The following TMEM163 variants were observed in gnomAD, a reference collection of about 807,000 sequenced individuals.
TMEM163 encodes the protein transmembrane protein 163.
A neutral mutation model predicts 29.3 loss-of-function variants in TMEM163; 17 were observed. The observed-to-expected ratio is 0.58, with a 90% CI of 0.40 to 0.87. The LOEUF is 0.87. Ranked by LOEUF, TMEM163 falls within the 40% of genes least tolerant of loss-of-function variation. TMEM163 has a pLI of 0.00. For missense variants in TMEM163, 303 were observed against 381.5 expected, an observed-to-expected ratio of 0.79 and a Z score of 1.71; for synonymous variants, 157 against 160.6, an observed-to-expected ratio of 0.98 and a Z score of 0.17.
chr2:134,580,646 T>G (rs1164102978), intron 2 of TMEM163, among the ~76,000 whole-genome samples: 1 of 152,184 alleles, frequency 6.6e-6, no homozygotes, highest in African/African-American at 2.4e-5. Context: ...GCGCAGTGGC[T>G]GCCACCTGGA....
intron 2 of TMEM163, among the ~76,000 whole-genome samples, chr2:134,618,918 T>G (rs1682668856): frequency 6.6e-6 from 1 of 151,966 alleles, no homozygotes; most frequent in South Asian, 2.1e-4. Flanking sequence ...AAAGCTTCTA[T>G]CACTAAAGGA....
chr2:134,693,226 C>T (rs1684507217), intron 2 of TMEM163, among the ~76,000 whole-genome samples: 1 of 152,152 alleles, frequency 6.6e-6, no homozygotes, highest in African/African-American at 2.4e-5. Flanking sequence ...TTAGCAGATA[C>T]TGATATGGGC....
At chr2:134,536,530 T>C (rs541041993) in intron 4 of TMEM163, among the ~76,000 whole-genome samples, 2 of 152,246 alleles carry the variant, frequency 1.3e-5, no homozygotes, top group South Asian at 4.2e-4. Context: ...AGGGCATGAA[T>C]CCTCACCCCA....
chr2:134,623,817 ATCTT>A, intron 2 of TMEM163, among the ~76,000 whole-genome samples: 1 of 152,196 alleles, frequency 6.6e-6, no homozygotes, highest in South Asian at 2.1e-4. Flanking sequence ...GGTGAAACAA[ATCTT>A]AGAAGTTCAG....
At chr2:134,614,016 CAA>C (rs1274822751) in intron 2 of TMEM163, among the ~76,000 whole-genome samples, 2 of 151,694 alleles carry the variant, frequency 1.3e-5, no homozygotes, top group African/African-American at 4.8e-5. Context: ...TCCCAATAGC[CAA>C]AACAACAGAG....
intron 2 of TMEM163, among the ~76,000 whole-genome samples, chr2:134,620,176 T>C (rs971212171): frequency 6.6e-6 from 1 of 151,868 alleles, no homozygotes; most frequent in African/African-American, 2.4e-5. Flanking sequence ...AAAACTTATA[T>C]GGAAATGCAA....
chr2:134,584,849 T>C (rs542286331), intron 2 of TMEM163, among the ~76,000 whole-genome samples: 1 of 152,206 alleles, frequency 6.6e-6, no homozygotes, highest in African/African-American at 2.4e-5. Flanking sequence ...TTTCCATTTC[T>C]AGCTAAGGAA....
rs112661604 is a variant in TMEM163 at position 134,665,252 on chromosome 2, T to G, written c.322+47948A>C. Among the ~76,000 whole-genome samples the G allele has an allele frequency of 9.5e-3, 1,448 of 152,266 alleles. 12 individuals are homozygous for G. Among genetic ancestry groups the G allele is most frequent in the Middle Eastern group, 0.031 (9 of 292 alleles). On this transcript the variant is annotated intron_variant, in intron 2 of 7. Transcript: ENST00000281924. ...AAAAGAGGTTTAATGGACTCAACAG[T>G]TCCACAAGGCTGGGGAGGCCTGACA...
chr2:134,688,533 A>G (rs1313318161), intron 2 of TMEM163, among the ~76,000 whole-genome samples: 1 of 152,156 alleles, frequency 6.6e-6, no homozygotes, highest in East Asian at 1.9e-4. Context: ...AAATATTCCT[A>G]AACAGGAAAG....
At chr2:134,640,846 A>C (rs1683207700) in intron 2 of TMEM163, among the ~76,000 whole-genome samples, 1 of 152,228 alleles carries the variant, frequency 6.6e-6, no homozygotes, top group Admixed American at 6.5e-5. Flanking sequence ...CAGCTCAGAG[A>C]GGAAGGCAAA....
At chr2:134,507,365 T>C (rs1471582952) in intron 4 of TMEM163, among the ~76,000 whole-genome samples, 1 of 118,470 alleles carries the variant, frequency 8.4e-6, no homozygotes, top group Admixed American at 8.5e-5. Flanking sequence ...AATAAATAAA[T>C]AAATAAATAA....
chr2:134,632,588 C>A (rs1025321683), intron 2 of TMEM163, among the ~76,000 whole-genome samples: 5 of 152,178 alleles, frequency 3.3e-5, no homozygotes. Context: ...CTGATGAGGA[C>A]CTGCTCTTTG....
intron 2 of TMEM163, among the ~76,000 whole-genome samples, chr2:134,641,473 G>T (rs1182843828): frequency 6.6e-6 from 1 of 152,124 alleles, no homozygotes; most frequent in Non-Finnish European, 1.5e-5. Flanking sequence ...ACCATTCAGA[G>T]AAATTAACCT....
intron 4 of TMEM163, among the ~76,000 whole-genome samples, chr2:134,538,810 C>T (rs1680597958): frequency 2.0e-5 from 3 of 151,950 alleles, no homozygotes; most frequent in Non-Finnish European, 1.5e-5. Flanking sequence ...ACAGTGGCTG[C>T]GTGGGGCTGG....
At chr2:134,650,529 TTTG>T (rs1271972189) in intron 2 of TMEM163, among the ~76,000 whole-genome samples, 3 of 79,374 alleles carry the variant, frequency 3.8e-5, no homozygotes, top group Non-Finnish European at 5.3e-5. Context: ...TGTTTGTTTG[TTTG>T]TTTTGTTTTT....
At chr2:134,628,968 T>C (rs1682911352) in intron 2 of TMEM163, among the ~76,000 whole-genome samples, 1 of 152,238 alleles carries the variant, frequency 6.6e-6, no homozygotes, top group African/African-American at 2.4e-5. Context: ...TGTATGAGCA[T>C]ATGCTCATCA....
chr2:134,548,757 T>G (rs1339116485), intron 4 of TMEM163, among the ~76,000 whole-genome samples: 4 of 152,176 alleles, frequency 2.6e-5, no homozygotes, highest in Non-Finnish European at 4.4e-5. Context: ...AACATGAAAT[T>G]CGTTTATGTT....
intron 4 of TMEM163, among the ~76,000 whole-genome samples, chr2:134,515,495 G>T (rs1310792292): frequency 6.6e-6 from 1 of 152,078 alleles, no homozygotes; most frequent in Non-Finnish European, 1.5e-5. Flanking sequence ...TCAAGTAATT[G>T]ACTTAAATTA....
intron 2 of TMEM163, among the ~76,000 whole-genome samples, chr2:134,592,595 G>T (rs559596608): frequency 1.3e-5 from 2 of 152,154 alleles, no homozygotes; most frequent in South Asian, 4.2e-4. Flanking sequence ...GTATAACAAG[G>T]CGTGTGCTCC....
Sources: allele counts gnomAD v4.1 joint callset (sites outside exome capture counted in the v4.1 genomes callset), GRCh38; gene constraint gnomAD v4.1.1; transcripts MANE v1.5; gene names NCBI Gene and HGNC (gene_info 2026-07-23, HGNC 2026-07-21).